Variants in CEP135 observed in about 807,000 individuals in gnomAD.
The protein encoded by CEP135 is centrosomal protein 135, also known as centrosomal protein of 135 kDa.
CEP135 carries 142 observed loss-of-function variants against 157.3 expected under a neutral mutation model. The ratio of observed to expected loss-of-function variants is 0.90; its 90% CI spans 0.79 to 1.04. CEP135 has a LOEUF of 1.04. CEP135 is among the 50% of genes least tolerant of loss of function. The pLI, the probability that CEP135 is intolerant of heterozygous loss-of-function variation, is 0.00. For synonymous variants in CEP135, 396 were observed against 439.8 expected (o/e 0.90, Z 1.25); for missense variants, 1,317 against 1,309.2 (o/e 1.01, Z -0.09).
At chr4:56,000,179 C>T (rs1269239175) in intron 17 of CEP135, among the ~76,000 whole-genome samples, 3 of 152,074 alleles carry the variant, frequency 2.0e-5, no homozygotes, top group Non-Finnish European at 4.4e-5. Flanking sequence ...GACAGAGCAA[C>T]ACCCTGCCTC....
At chr4:56,015,910 A>G (rs2109740069) in intron 21 of CEP135, among the ~76,000 whole-genome samples, 1 of 152,302 alleles carries the variant, frequency 6.6e-6, no homozygotes, top group South Asian at 2.1e-4. Context: ...GGGTAGGAGA[A>G]TTGTGTCCAC....
intron 6 of CEP135, among the ~76,000 whole-genome samples, chr4:55,962,162 C>T (rs991564371): frequency 1.3e-5 from 2 of 151,938 alleles, no homozygotes; most frequent in Admixed American, 6.6e-5. Context: ...TGCAGTGGCG[C>T]GATCTCGGCT....
chr4:56,028,536 C>T (rs1317472356), intron 25 of CEP135, among the ~76,000 whole-genome samples: 5 of 151,772 alleles, frequency 3.3e-5, no homozygotes, highest in African/African-American at 7.3e-5. Flanking sequence ...CATTTCCCCT[C>T]GTATTTTCTA....
intron 14 of CEP135, among the ~76,000 whole-genome samples, chr4:55,988,417 TG>T (rs1729671853): frequency 6.6e-6 from 1 of 152,166 alleles, no homozygotes; most frequent in African/African-American, 2.4e-5. Context: ...CCTAGCTCTT[TG>T]GGAGTCAGAG....
At chr4:56,020,640 A>G (rs1730942000) in intron 23 of CEP135, 36 bp from the exon 24 acceptor site, 1 of 1,569,822 alleles carries the variant, frequency 6.4e-7, no homozygotes, top group African/African-American at 1.4e-5. Flanking sequence ...TACAAAACGG[A>G]ACGTTTATTT....
chr4:55,965,511 G>A (rs926422358), intron 7 of CEP135, 133 bp from the exon 8 acceptor site: 1 of 622,182 alleles, frequency 1.6e-6, no homozygotes, highest in Non-Finnish European at 2.8e-6. Flanking sequence ...ATATAAATTT[G>A]CAAATATAAA....
chr4:55,969,750 A>G (rs2593088), intron 9 of CEP135, among the ~76,000 whole-genome samples: 52 of 152,314 alleles, frequency 3.4e-4, no homozygotes, highest in African/African-American at 1.3e-3. Flanking sequence ...CATTCTTTTA[A>G]CTACTTTATG....
intron 15 of CEP135, among the ~76,000 whole-genome samples, chr4:55,998,726 G>A (rs1456784955): frequency 6.6e-6 from 1 of 152,122 alleles, no homozygotes; most frequent in African/African-American, 2.4e-5. Flanking sequence ...TTAGACAGGT[G>A]TGGTGGTCCA....
At chr4:55,963,464 G>T (rs1728745604) in intron 6 of CEP135, among the ~76,000 whole-genome samples, 1 of 152,282 alleles carries the variant, frequency 6.6e-6, no homozygotes, top group African/African-American at 2.4e-5. Flanking sequence ...CCAAAGCTTG[G>T]GCCAGGAGTG....
chr4:56,026,815 G>T (rs573611635), intron 25 of CEP135, among the ~76,000 whole-genome samples: 4 of 152,322 alleles, frequency 2.6e-5, no homozygotes, highest in African/African-American at 9.6e-5. Context: ...AGAAACATGA[G>T]TCAGACCCAG....
intron 1 of CEP135, among the ~76,000 whole-genome samples, chr4:55,951,544 G>A (rs866482472): frequency 1.3e-5 from 2 of 152,116 alleles, no homozygotes; most frequent in Admixed American, 6.5e-5. Context: ...GTGTCTGTTC[G>A]AATCTTTAGC....
At position 55,953,114 on chromosome 4, in the gene CEP135, G is replaced by A. The variant is rs199867478; in HGVS notation, c.143G>A (p.Arg48Gln). 86 of 1,595,260 alleles carry A rather than the reference G, an allele frequency of 5.4e-5. No individual in the cohort carries two copies. Among genetic ancestry groups the A allele is most frequent in the East Asian group, 2.5e-4 (11 of 44,220 alleles). Residue 48 changes from arginine (R) to glutamine (Q), a missense_variant, in exon 3 of 26, where the codon CGG becomes CAG. By Grantham distance (43) the Arg-to-Gln change is conservative (BLOSUM62 1). Coordinates refer to ENST00000257287, the MANE Select transcript of CEP135 (RefSeq NM_025009.5). The stretch of plus-strand genomic sequence containing the variant: ...TTAGTTCATACAACTGAGAGCCTTC[G>A]GCAATCAAAATTATCTGCTGTGAAA... The part of the protein sequence containing the change: ...SDLVHTTESL[R>Q]QSKLSAVKAE...
At chr4:55,995,713 G>A (rs1194173070) in intron 15 of CEP135, among the ~76,000 whole-genome samples, 3 of 152,248 alleles carry the variant, frequency 2.0e-5, no homozygotes, top group East Asian at 3.9e-4. Flanking sequence ...CACCACTCAG[G>A]CCTTACGGAA....
At chr4:55,953,345 C>T (rs1001695542) in intron 3 of CEP135, 70 bp downstream of exon 3, 9 of 1,163,196 alleles carry the variant, frequency 7.7e-6, no homozygotes, top group South Asian at 1.7e-5. Flanking sequence ...GAAAAGCTAA[C>T]GTCTAATTTT....
At chr4:56,009,441 C>T (rs984884878) in intron 18 of CEP135, among the ~76,000 whole-genome samples, 1 of 152,258 alleles carries the variant, frequency 6.6e-6, no homozygotes, top group South Asian at 2.1e-4. Flanking sequence ...GGATTACAGG[C>T]GTGAGCCACC....
intron 14 of CEP135, among the ~76,000 whole-genome samples, chr4:55,988,806 C>T (rs1459709320): frequency 6.7e-6 from 1 of 149,450 alleles, no homozygotes; most frequent in Non-Finnish European, 1.5e-5. Context: ...AAAAAAAATA[C>T]AAAAATTAGC....
intron 10 of CEP135, among the ~76,000 whole-genome samples, chr4:55,972,104 C>T (rs1310281610): frequency 1.3e-5 from 2 of 151,952 alleles, no homozygotes; most frequent in African/African-American, 4.8e-5. Context: ...GAGCCTGAAT[C>T]GTGCCACTGC....
intron 24 of CEP135, among the ~76,000 whole-genome samples, chr4:56,022,783 G>A (rs1232068982): frequency 6.6e-6 from 1 of 152,164 alleles, no homozygotes; most frequent in African/African-American, 2.4e-5. Context: ...AGACGGAAGA[G>A]GGCTAGATAT....
At chr4:55,990,282 T>C (rs1729741512) in intron 14 of CEP135, among the ~76,000 whole-genome samples, 1 of 152,196 alleles carries the variant, frequency 6.6e-6, no homozygotes, top group South Asian at 2.1e-4. Flanking sequence ...TCTTATTCCT[T>C]TACTGTCATT....
Sources: allele counts gnomAD v4.1 joint callset (sites outside exome capture counted in the v4.1 genomes callset), GRCh38; gene constraint gnomAD v4.1.1; transcripts MANE v1.5; gene names NCBI Gene and HGNC (gene_info 2026-07-23, HGNC 2026-07-21).